The following OSBPL3 variants were observed in gnomAD, a reference collection of about 807,000 sequenced individuals.
OSBPL3 encodes the protein oxysterol binding protein like 3.
OSBPL3 carries 65 observed loss-of-function variants against 120.1 expected under a neutral mutation model. The ratio of observed to expected loss-of-function variants is 0.54; its 90% CI spans 0.44 to 0.67. The LOEUF (loss-of-function observed/expected upper bound fraction) is 0.67. Among genes scored for constraint, OSBPL3 ranks in the 30% least tolerant of loss-of-function variants. The pLI is 0.00. For missense variants in OSBPL3, 1,004 were observed against 1,082.1 expected (o/e 0.93, Z 1.01); for synonymous variants, 416 against 402.6 (o/e 1.03, Z -0.40).
chr7:24,889,153 T>C (rs1419357529), intron 2 of OSBPL3, among the ~76,000 whole-genome samples: 1 of 152,210 alleles, frequency 6.6e-6, no homozygotes, highest in Non-Finnish European at 1.5e-5. Flanking sequence ...ACTTATGCAG[T>C]GGACTACTAT....
intron 1 of OSBPL3, among the ~76,000 whole-genome samples, chr7:24,919,725 C>G (rs1810154508): frequency 6.7e-6 from 1 of 150,362 alleles, no homozygotes; most frequent in Non-Finnish European, 1.5e-5. Context: ...AATAAAAAGG[C>G]AATCCACAGA....
chr7:24,942,948 A>G (rs1211241946), intron 1 of OSBPL3, among the ~76,000 whole-genome samples: 2 of 152,236 alleles, frequency 1.3e-5, no homozygotes, highest in Admixed American at 6.5e-5. Flanking sequence ...ACTGTGTGAC[A>G]CTGGAAATTA....
At chr7:24,977,489 C>T (rs1187503772) in intron 1 of OSBPL3, among the ~76,000 whole-genome samples, 1 of 152,186 alleles carries the variant, frequency 6.6e-6, no homozygotes, top group Non-Finnish European at 1.5e-5. Flanking sequence ...AGGCAAGTTC[C>T]TAAACCTCGT....
chr7:24,969,006 TA>T (rs1400849992), intron 1 of OSBPL3, among the ~76,000 whole-genome samples: 1 of 152,234 alleles, frequency 6.6e-6, no homozygotes, highest in Admixed American at 6.5e-5. Context: ...ATCTGTAGGA[TA>T]AAGTTCTTAG....
At position 24,912,380 on chromosome 7, in the gene OSBPL3, G is replaced by A. The variant is rs886919362; in HGVS notation, c.-149-19759C>T. Among the ~76,000 whole-genome samples, 1 of 152,164 alleles carries A rather than the reference G, an allele frequency of 6.6e-6. No homozygotes were observed. The highest frequency in any genetic ancestry group is 1.5e-5 in the Non-Finnish European group (1 of 68,024). On this transcript the variant is annotated intron_variant, in intron 1 of 22. Coordinates refer to ENST00000313367, the MANE Select transcript of OSBPL3 (RefSeq NM_015550.4). The surrounding 1 kb of genome is among the most constrained non-coding windows in gnomAD (Gnocchi z 4.5). ...AAATTAATTTTAAAAATCAAATTCA[G>A]CAACCAGGGCCTTGATCTTCCTTGC...
Position 24,964,836 on chromosome 7 carries a change from T to C in OSBPL3, c.-150+15050A>G, listed in dbSNP as rs1476138190. On this transcript the variant is annotated intron_variant, in intron 1 of 22. Transcript: ENST00000313367. This position sits in a 1 kb window ranked among gnomAD's most constrained non-coding sequence, Gnocchi z 4.2. ...CATCTTTTCTCTACCTCTAAAACTA[T>C]TCTAAACTTAAAAGTTGTTTTGTGT... is the stretch of plus-strand genomic sequence containing the variant. Among the ~76,000 whole-genome samples, 1 of 152,210 alleles carries C rather than the reference T, an allele frequency of 6.6e-6. No homozygotes were observed. The highest frequency in any genetic ancestry group is 1.5e-5 in the Non-Finnish European group (1 of 68,034).
intron 1 of OSBPL3, among the ~76,000 whole-genome samples, chr7:24,924,162 G>A (rs529670029): frequency 6.6e-6 from 1 of 152,142 alleles, no homozygotes; most frequent in Admixed American, 6.5e-5. Flanking sequence ...TACTTCATGT[G>A]GTGAATAATA....
In OSBPL3 at chr7:24,966,977, T is replaced by C. The variant is rs1461366537; in HGVS notation, c.-150+12909A>G. 6.6e-6 allele frequency among the ~76,000 whole-genome samples: 1 copy of C among 152,202 alleles called. No individual in the cohort carries two copies. The highest frequency in any genetic ancestry group is 1.5e-5 in the Non-Finnish European group (1 of 68,034). On this transcript the variant is annotated intron_variant, in intron 1 of 22. Coordinates refer to ENST00000313367, the MANE Select transcript of OSBPL3 (RefSeq NM_015550.4). This position sits in a 1 kb window ranked among gnomAD's most constrained non-coding sequence, Gnocchi z 4.8. ...TGAAAAACATCCCCTAAGTGACTAA[T>C]ACATAAGATAAGCAATACACTGCCA...
In OSBPL3 at chr7:24,946,322, C is replaced by A. The variant is rs12533171; in HGVS notation, c.-150+33564G>T. Among the ~76,000 whole-genome samples, 38,326 of 151,986 alleles carry A rather than the reference C, an allele frequency of 0.25. 5,574 individuals are homozygous for A. Among genetic ancestry groups the A allele is most frequent in the Non-Finnish European group, 0.34 (23,231 of 67,934 alleles). On this transcript the variant is annotated intron_variant, in intron 1 of 22. Coordinates refer to ENST00000313367, the MANE Select transcript of OSBPL3 (RefSeq NM_015550.4). The surrounding 1 kb of genome is among the most constrained non-coding windows in gnomAD (Gnocchi z 4.3). ...CCTAGACTACTAAGTTGTCACATAGCGTTATTTTTGCCGTACTTTTATTGG... is the reference window on the plus strand; with the variant it reads ...CCTAGACTACTAAGTTGTCACATAGAGTTATTTTTGCCGTACTTTTATTGG...
At position 24,800,134 on chromosome 7, in the gene OSBPL3, A is replaced by C. The variant is rs772679257; in HGVS notation, c.*49T>G. 1 of 1,043,728 alleles carries C rather than the reference A, an allele frequency of 9.6e-7. No individual in the cohort carries two copies. Among genetic ancestry groups the C allele is most frequent in the Non-Finnish European group, 1.5e-6 (1 of 663,336 alleles). 64.7% of individuals were successfully genotyped at this position (1,043,728 alleles called of 1,614,324 possible). ...AAACACAGGTTTGTGCCACTTCAGA[A>C]GGCAAGCACAGGAGAAATACACTAA... On this transcript the variant is annotated 3_prime_UTR_variant, in exon 23 of 23. Coordinates refer to ENST00000313367, the MANE Select transcript of OSBPL3 (RefSeq NM_015550.4).
At position 24,972,645 on chromosome 7, in the gene OSBPL3, C is replaced by T. The variant is rs371009771; in HGVS notation, c.-150+7241G>A. ...TGAAACGTATGAGCAAAAATCTTAG[C>T]GCATGCTTTAATTCTAGGGAGGCAT... On this transcript the variant is annotated intron_variant, in intron 1 of 22. Transcript: ENST00000313367. This position sits in a 1 kb window ranked among gnomAD's most constrained non-coding sequence, Gnocchi z 4.3. 7.9e-5 allele frequency among the ~76,000 whole-genome samples: 12 copies of T among 152,196 alleles called. No individual in the cohort carries two copies. In the East Asian group the frequency reaches 1.2e-3, roughly 15 times the overall value.
At chr7:24,917,468 TAC>T (rs10573041) in intron 1 of OSBPL3, among the ~76,000 whole-genome samples, 3,414 of 111,640 alleles carry the variant, frequency 0.031, 213 homozygotes, top group African/African-American at 0.091. Context: ...TATATATATA[TAC>T]ACACACACAC....
At chr7:24,915,875 C>T (rs950886557) in intron 1 of OSBPL3, among the ~76,000 whole-genome samples, 1 of 152,102 alleles carries the variant, frequency 6.6e-6, no homozygotes, top group Non-Finnish European at 1.5e-5. Flanking sequence ...ATGCCCAGCC[C>T]ATTAAATTTT....
rs769535588 is a variant in OSBPL3, at chr7:24,953,729, T to C, written c.-150+26157A>G. Among the ~76,000 whole-genome samples the C allele has an allele frequency of 7.9e-4, 121 of 152,222 alleles. 5 individuals carry two copies. The highest frequency in any genetic ancestry group is 3.7e-4 in the Non-Finnish European group (25 of 68,006). ...TAAACGCTGAACAAATGAATGAAAA[T>C]AGAACTCCAAGTCACTTAGATCAAG... On this transcript the variant is annotated intron_variant, in intron 1 of 22. Transcript: ENST00000313367. The surrounding 1 kb of genome is among the most constrained non-coding windows in gnomAD (Gnocchi z 4.3).
chr7:24,973,430 T>C (rs1817245614), intron 1 of OSBPL3, among the ~76,000 whole-genome samples: 1 of 152,212 alleles, frequency 6.6e-6, no homozygotes, highest in Non-Finnish European at 1.5e-5. Flanking sequence ...AACAACCATA[T>C]TCTGGCTCTC....
rs1242921036 is a variant in OSBPL3, at chr7:24,824,833, A to ACTC, written c.1885-4598_1885-4596dup. On this transcript the variant is annotated intron_variant, in intron 16 of 22. Coordinates refer to ENST00000313367, the MANE Select transcript of OSBPL3 (RefSeq NM_015550.4). The surrounding 1 kb of genome is among the most constrained non-coding windows in gnomAD (Gnocchi z 4.9). Reference sequence around the variant, plus strand: ...TGGTCAGACAGGGTGGTGGGGCAGGACTCTAATAATGGAAACCTGTGGGGC... The same window carrying ACTC: ...TGGTCAGACAGGGTGGTGGGGCAGGACTCCTCTAATAATGGAAACCTGTGGGGC... Among the ~76,000 whole-genome samples the ACTC allele has an allele frequency of 6.6e-6, 1 of 152,086 alleles. No individual in the cohort carries two copies. Among genetic ancestry groups the ACTC allele is most frequent in the Non-Finnish European group, 1.5e-5 (1 of 68,032 alleles).
At position 24,802,428 on chromosome 7, in the gene OSBPL3, C is replaced by A. The variant is rs1033021157; in HGVS notation, c.2567+1887G>T. Among the ~76,000 whole-genome samples, 7 of 152,248 alleles carry A rather than the reference C, an allele frequency of 4.6e-5. No individual in the cohort carries two copies. The highest frequency in any genetic ancestry group is 1.7e-4 in the African/African-American group (7 of 41,464). On this transcript the variant is annotated intron_variant, in intron 22 of 22. Transcript: ENST00000313367. The surrounding 1 kb of genome is among the most constrained non-coding windows in gnomAD (Gnocchi z 4.1). Reference sequence around the variant, plus strand: ...AAATTTTCCCATCTAATACTATGATCATTTTACAGACAGTCAAAAAGAAAA... The same window carrying A: ...AAATTTTCCCATCTAATACTATGATAATTTTACAGACAGTCAAAAAGAAAA...
chr7:24,922,433 G>A lies in OSBPL3; in HGVS notation c.-149-29812C>T, dbSNP rs537989176. 4.6e-5 allele frequency among the ~76,000 whole-genome samples: 7 copies of A among 152,208 alleles called. No individual in the cohort carries two copies. Among genetic ancestry groups the A allele is most frequent in the Admixed American group, 6.5e-5 (1 of 15,288 alleles). ...GGAATTGTATGGCTGAGTGACCAGCGTGGGAGGGAAATTAAGTTTTCGGTG... is the reference window on the plus strand; with the variant it reads ...GGAATTGTATGGCTGAGTGACCAGCATGGGAGGGAAATTAAGTTTTCGGTG... On this transcript the variant is annotated intron_variant, in intron 1 of 22. Coordinates refer to ENST00000313367, the MANE Select transcript of OSBPL3 (RefSeq NM_015550.4). This position sits in a 1 kb window ranked among gnomAD's most constrained non-coding sequence, Gnocchi z 4.3.
Position 24,861,762 on chromosome 7 carries a change from T to G in OSBPL3, c.878A>C (p.Lys293Thr). Residue 293 changes from lysine (K) to threonine (T), a missense_variant, in exon 10 of 23, where the codon AAA becomes ACA. Around this residue, in one of 4 missense-constraint regions of OSBPL3, gnomAD observed 272 missense variants for 248.8 expected, o/e 1.09. Coordinates refer to ENST00000313367, the MANE Select transcript of OSBPL3 (RefSeq NM_015550.4). Reference protein sequence around the residue: ...KDAKGTLQVPKPFSGPVRLHS... With the variant: ...KDAKGTLQVPTPFSGPVRLHS... ...TAGTCTTACTGGGCCAGAAAAAGGT[T>G]TCGGGACCTGAAGTAACACCAAAGG... 6.3e-7 allele frequency: 1 copy of G among 1,589,054 alleles called. No individual in the cohort carries two copies. Among genetic ancestry groups the G allele is most frequent in the Non-Finnish European group, 8.5e-7 (1 of 1,169,800 alleles).
Sources: allele counts gnomAD v4.1 joint callset (sites outside exome capture counted in the v4.1 genomes callset), GRCh38; gene constraint gnomAD v4.1.1; regional missense constraint gnomAD v4.1.1; non-coding constraint Gnocchi (gnomAD v3.1); transcripts MANE v1.5; gene names NCBI Gene and HGNC (gene_info 2026-07-23, HGNC 2026-07-21).